LRP5: variants seen among roughly 807,000 people sequenced by gnomAD.
LRP5 encodes low-density lipoprotein receptor-related protein 5.
In LRP5, 62 loss-of-function variants were observed where a neutral mutation model predicts 154.1. The observed-to-expected ratio is 0.40, with a 90% confidence interval of 0.33 to 0.50. LRP5 has a LOEUF of 0.50. Ranked by LOEUF, LRP5 falls within the 20% of genes least tolerant of loss-of-function variation. LRP5 has a pLI of 0.55. For missense variants in LRP5, 1,915 were observed against 2,336.7 expected (o/e 0.82, Z 3.72); for synonymous variants, 966 against 1,011.5 (o/e 0.96, Z 0.85).
At chr11:68,355,794 C>A (rs1474543430) in intron 2 of LRP5, among the ~76,000 whole-genome samples, 1 of 151,898 alleles carries the variant, frequency 6.6e-6, no homozygotes, top group African/African-American at 2.4e-5. Flanking sequence ...ACAGACCTAC[C>A]CAGGAACAGC....
intron 1 of LRP5, among the ~76,000 whole-genome samples, chr11:68,345,754 C>A (rs770269200): frequency 6.6e-6 from 1 of 152,154 alleles, no homozygotes; most frequent in Non-Finnish European, 1.5e-5. Context: ...TGCTGTTTTC[C>A]ATAGTAGCTG....
the LRP5 span, among the ~76,000 whole-genome samples, chr11:68,306,688 C>T: frequency 6.6e-6 from 1 of 152,236 alleles, no homozygotes; most frequent in African/African-American, 2.4e-5. Flanking sequence ...ACTCCTTCAT[C>T]TGCAGTGAAA....
chr11:68,409,110 G>GCA (rs1395526667), intron 9 of LRP5, among the ~76,000 whole-genome samples: 2 of 40,406 alleles, frequency 4.9e-5, no homozygotes, highest in African/African-American at 2.0e-4. Flanking sequence ...ACACATACAC[G>GCA]CACACACACA....
intron 7 of LRP5, among the ~76,000 whole-genome samples, chr11:68,393,249 G>T (rs896356461): frequency 1.3e-5 from 2 of 152,030 alleles, no homozygotes; most frequent in Non-Finnish European, 2.9e-5. Context: ...TCCACCTTTT[G>T]TCTCCTGTGA....
In LRP5 at chr11:68,375,474, G is replaced by T. The variant is rs116350441; in HGVS notation, c.1015+9772G>T. On this transcript the variant is annotated intron_variant, in intron 5 of 22. Coordinates refer to ENST00000294304, the MANE Select transcript of LRP5 (RefSeq NM_002335.4). Reference sequence around the variant, plus strand: ...CTGCTCGTGCTGTGCCCACCACCTGGAGCACCCTTCCCCTGCCCCCTGCCC... The same window carrying T: ...CTGCTCGTGCTGTGCCCACCACCTGTAGCACCCTTCCCCTGCCCCCTGCCC... Among the ~76,000 whole-genome samples, 594 of 152,252 alleles carry T rather than the reference G, an allele frequency of 3.9e-3. 7 individuals carry two copies. The highest frequency in any genetic ancestry group is 0.014 in the African/African-American group (575 of 41,546).
At chr11:68,330,837 GGGGGAGGC>G (rs967717827) in intron 1 of LRP5, among the ~76,000 whole-genome samples, 2 of 152,230 alleles carry the variant, frequency 1.3e-5, no homozygotes, top group African/African-American at 4.8e-5. Flanking sequence ...CCAGGAAATG[GGGGGAGGC>G]GGTCTGGGCC....
chr11:68,344,027 A>AAAT lies in LRP5; in HGVS notation c.92-3820_92-3819insAAT, dbSNP rs1175556121. Among the ~76,000 whole-genome samples the AAAT allele has an allele frequency of 1.3e-4, 20 of 152,050 alleles. No individual in the cohort carries two copies. The East Asian group carries it at 3.9e-3, about 30-fold the overall frequency. ...GCAGACCTCTCAGCTGGTGTTCCAG[A>AAAT]GCAGCTGCCTTCCCCCGCCCGAGGG... On this transcript the variant is annotated intron_variant, in intron 1 of 22. Transcript: ENST00000294304.
At chr11:68,334,511 T>G (rs1464563850) in intron 1 of LRP5, among the ~76,000 whole-genome samples, 2 of 152,318 alleles carry the variant, frequency 1.3e-5, no homozygotes, top group South Asian at 2.1e-4. Flanking sequence ...GACACATAGC[T>G]GAAACTGTAG....
At chr11:68,405,335 G>T (rs949222382) in intron 8 of LRP5, among the ~76,000 whole-genome samples, 2 of 151,842 alleles carry the variant, frequency 1.3e-5, no homozygotes, top group African/African-American at 4.8e-5. Context: ...GCCCGGCATG[G>T]TGGCATATCC....
At chr11:68,443,560 TATATATATATATA>T (rs1565121908) in intron 21 of LRP5, among the ~76,000 whole-genome samples, 14 of 37,820 alleles carry the variant, frequency 3.7e-4, no homozygotes, top group African/African-American at 1.6e-3. Flanking sequence ...TATATATATA[TATATATATATATA>T]TATATATATA....
chr11:68,431,219 T>C (rs1290320776), intron 17 of LRP5, among the ~76,000 whole-genome samples: 2 of 147,660 alleles, frequency 1.4e-5, no homozygotes, highest in Non-Finnish European at 3.0e-5. Flanking sequence ...CAGCACACAC[T>C]GGCTGTGCAC....
intron 15 of LRP5, 130 bp from the exon 16 acceptor site, chr11:68,425,848 C>T (rs2098668462): frequency 2.5e-6 from 2 of 807,912 alleles, no homozygotes; most frequent in Admixed American, 2.0e-5. Flanking sequence ...GCTGCAGCTC[C>T]CACCCCTGTC....
chr11:68,333,111 A>G (rs992963715), intron 1 of LRP5, among the ~76,000 whole-genome samples: 1 of 152,158 alleles, frequency 6.6e-6, no homozygotes, highest in African/African-American at 2.4e-5. Flanking sequence ...TCGTAGCTGC[A>G]TGAGGGTTTG....
In LRP5 at chr11:68,353,546, G is replaced by C. The variant is rs929260824; in HGVS notation, c.489-4104G>C. On this transcript the variant is annotated intron_variant, in intron 2 of 22. Coordinates refer to ENST00000294304, the MANE Select transcript of LRP5 (RefSeq NM_002335.4). The surrounding 1 kb of genome is among the most constrained non-coding windows in gnomAD (Gnocchi z 4.5). ...GTGGTCCTCAGGCATAAGTGTGGGC[G>C]CTGAGTCCTGGGGCAGGACTGCTGT... 1.3e-5 allele frequency among the ~76,000 whole-genome samples: 2 copies of C among 152,204 alleles called. No individual in the cohort carries two copies. The highest frequency in any genetic ancestry group is 2.9e-5 in the Non-Finnish European group (2 of 68,044).
At chr11:68,419,087 T>G (rs1433248112) in intron 13 of LRP5, among the ~76,000 whole-genome samples, 1 of 152,194 alleles carries the variant, frequency 6.6e-6, no homozygotes, top group African/African-American at 2.4e-5. Context: ...GACTCTGGCT[T>G]TGATTCTTTA....
At chr11:68,331,026 A>G (rs997572824) in intron 1 of LRP5, among the ~76,000 whole-genome samples, 1 of 152,206 alleles carries the variant, frequency 6.6e-6, no homozygotes, top group Non-Finnish European at 1.5e-5. Flanking sequence ...GAAATGAAAA[A>G]ATGTTCTGTG....
At position 68,368,641 on chromosome 11, in the gene LRP5, C is replaced by G. The variant is rs116369866; in HGVS notation, c.1015+2939C>G. On this transcript the variant is annotated intron_variant, in intron 5 of 22. Coordinates refer to ENST00000294304, the MANE Select transcript of LRP5 (RefSeq NM_002335.4). ...GGAGGTCTGGAGGTGGTCTCTTACT[C>G]TCTTGGTGTGTCTGTCTCCACATTT... Among the ~76,000 whole-genome samples, 1,013 of 152,284 alleles carry G rather than the reference C, an allele frequency of 6.7e-3. 6 individuals are homozygous for G. The highest frequency in any genetic ancestry group is 0.022 in the African/African-American group (916 of 41,548).
intron 21 of LRP5, among the ~76,000 whole-genome samples, chr11:68,440,683 C>G (rs935571191): frequency 6.6e-6 from 1 of 152,192 alleles, no homozygotes; most frequent in Non-Finnish European, 1.5e-5. Context: ...TCTGGGGCCT[C>G]GCCAGTGAGC....
chr11:68,401,511 TTTG>T (rs2098652622), intron 7 of LRP5, among the ~76,000 whole-genome samples: 1 of 152,108 alleles, frequency 6.6e-6, no homozygotes, highest in African/African-American at 2.4e-5. Context: ...TGTTTGCTGT[TTTG>T]TTGTTTCTTC....
Sources: allele counts gnomAD v4.1 joint callset (sites outside exome capture counted in the v4.1 genomes callset), GRCh38; gene constraint gnomAD v4.1.1; non-coding constraint Gnocchi (gnomAD v3.1); transcripts MANE v1.5; gene names NCBI Gene and HGNC (gene_info 2026-07-23, HGNC 2026-07-21).